ROCK2: variants seen among roughly 807,000 people sequenced by gnomAD.
ROCK2 encodes rho-associated protein kinase 2.
ROCK2 carries 61 observed loss-of-function variants against 195.1 expected under a neutral mutation model. The observed-to-expected ratio is 0.31, with a 90% confidence interval of 0.25 to 0.39. The LOEUF (loss-of-function observed/expected upper bound fraction) is 0.39. ROCK2 is among the 10% of genes least tolerant of loss of function. The pLI, the probability that ROCK2 is intolerant of heterozygous loss-of-function variation, is 1.00. For missense variants in ROCK2, 1,109 were observed against 1,637.4 expected (o/e 0.68, Z 5.57); for synonymous variants, 504 against 545.5 (o/e 0.92, Z 1.06).
chr2:11,214,578 GT>G, intron 16 of ROCK2, 115 bp from the exon 17 acceptor site: 1 of 694,478 alleles, frequency 1.4e-6, no homozygotes, highest in Non-Finnish European at 2.4e-6. Context: ...GTGAGCAGAA[GT>G]TTTATACTTG....
In ROCK2 at chr2:11,344,312, G is replaced by A. The variant is rs1362286583; in HGVS notation, c.-176C>T. On this transcript the variant is annotated 5_prime_UTR_variant, in exon 1 of 33. Transcript: ENST00000315872. This position sits in a 1 kb window ranked among gnomAD's most constrained non-coding sequence, Gnocchi z 5.4. Reference sequence around the variant, plus strand: ...CCCCCGCCTGGGGGCTGCTCCCAGGGGCCCGCCCGGCCCAGCCCGGCCCAG... The same window carrying A: ...CCCCCGCCTGGGGGCTGCTCCCAGGAGCCCGCCCGGCCCAGCCCGGCCCAG... 13 of 1,215,484 alleles carry A rather than the reference G, an allele frequency of 1.1e-5. No individual in the cohort carries two copies. The Admixed American group carries it at 1.9e-4, about 18-fold the overall frequency. 75.3% of individuals were successfully genotyped at this position (1,215,484 alleles called of 1,614,324 possible).
At chr2:11,284,031 G>A (rs1012826564) in intron 3 of ROCK2, among the ~76,000 whole-genome samples, 1 of 152,212 alleles carries the variant, frequency 6.6e-6, no homozygotes, top group African/African-American at 2.4e-5. Context: ...TAGGTGAATG[G>A]ATAAACTTTG....
chr2:11,273,157 TA>T (rs1666705790), intron 3 of ROCK2, among the ~76,000 whole-genome samples: 9 of 41,146 alleles, frequency 2.2e-4, no homozygotes, highest in Non-Finnish European at 3.2e-4. Flanking sequence ...ATAACAGAAA[TA>T]AATTCTTCTT....
chr2:11,217,074 T>G lies in ROCK2; in HGVS notation c.1412+16A>C. The G allele has an allele frequency of 1.5e-6, 2 of 1,322,342 alleles. No homozygotes were observed. The highest frequency in any genetic ancestry group is 2.2e-6 in the Non-Finnish European group (2 of 927,980). The allele number at this position is 1,322,342 out of a possible 1,614,324, so 81.9% of individuals were successfully genotyped here. A position where few individuals can be genotyped will look rare whatever the true frequency, so the allele number is the denominator to read the frequency against. ...TAAATTTTATAATGTAATATTTAATTATCTACAAAACATACTTGCACTTCT... is the reference window on the plus strand; with the variant it reads ...TAAATTTTATAATGTAATATTTAATGATCTACAAAACATACTTGCACTTCT... On this transcript the variant is annotated intron_variant, in intron 12 of 32. Transcript: ENST00000315872.
At chr2:11,194,395 T>A (rs1317233392) in intron 28 of ROCK2, 51 bp from the exon 29 acceptor site, 1 of 667,246 alleles carries the variant, frequency 1.5e-6, no homozygotes. Flanking sequence ...TTATATACCT[T>A]ATTTATTGAT....
intron 18 of ROCK2, among the ~76,000 whole-genome samples, chr2:11,208,840 G>A (rs1024766130): frequency 1.3e-5 from 2 of 152,032 alleles, no homozygotes; most frequent in South Asian, 4.1e-4. Context: ...CAATCCACCC[G>A]CCTCGGCCAC....
intron 29 of ROCK2, 137 bp from the exon 30 acceptor site, chr2:11,193,994 A>G (rs758101071): frequency 2.2e-6 from 1 of 449,772 alleles, no homozygotes; most frequent in Non-Finnish European, 3.8e-6. Context: ...TTGTTCTATT[A>G]ATTCTATAAT....
intron 1 of ROCK2, among the ~76,000 whole-genome samples, chr2:11,303,644 A>G (rs1364033703): frequency 1.3e-5 from 2 of 152,044 alleles, no homozygotes; most frequent in African/African-American, 4.8e-5. Flanking sequence ...TACCTCCCAT[A>G]CAGCTGCCAT....
chr2:11,283,071 A>G (rs1312054213), intron 3 of ROCK2, among the ~76,000 whole-genome samples: 1 of 150,266 alleles, frequency 6.7e-6, no homozygotes, highest in East Asian at 2.0e-4. Context: ...GTTTGAGACC[A>G]GCCTGGCCAA....
At chr2:11,249,947 A>G (rs1324433732) in intron 3 of ROCK2, 149 bp from the exon 4 acceptor site, 2 of 502,918 alleles carry the variant, frequency 4.0e-6, no homozygotes, top group Non-Finnish European at 6.7e-6. Context: ...TTTTTAATGA[A>G]AGAAACAAAG....
At chr2:11,185,426 T>C (rs1167651697) in intron 32 of ROCK2, among the ~76,000 whole-genome samples, 1 of 152,286 alleles carries the variant, frequency 6.6e-6, no homozygotes, top group Non-Finnish European at 1.5e-5. Context: ...CTATCATCTT[T>C]GTTTTTAAAA....
chr2:11,203,057 T>A (rs1009159776), intron 20 of ROCK2, among the ~76,000 whole-genome samples: 4 of 152,120 alleles, frequency 2.6e-5, no homozygotes, highest in Non-Finnish European at 4.4e-5. Context: ...TTTGTAAAAA[T>A]TCACTCAGCT....
intron 1 of ROCK2, among the ~76,000 whole-genome samples, chr2:11,330,132 A>G (rs1668672771): frequency 6.6e-6 from 1 of 152,152 alleles, no homozygotes; most frequent in African/African-American, 2.4e-5. Context: ...CATCCATAAC[A>G]CTCTTCTAAA....
chr2:11,196,110 C>T (rs1194865715), intron 27 of ROCK2, among the ~76,000 whole-genome samples: 1 of 152,266 alleles, frequency 6.6e-6, no homozygotes, highest in Middle Eastern at 3.4e-3. Flanking sequence ...AAAAACCGCA[C>T]AGAACAGGAA....
chr2:11,186,106 A>G (rs1387431512), intron 32 of ROCK2, among the ~76,000 whole-genome samples: 2 of 152,268 alleles, frequency 1.3e-5, no homozygotes, highest in Non-Finnish European at 2.9e-5. Context: ...AAATAAACAC[A>G]GCGACTCAAA....
intron 3 of ROCK2, among the ~76,000 whole-genome samples, chr2:11,271,047 A>C (rs1402893239): frequency 6.6e-6 from 1 of 152,228 alleles, no homozygotes; most frequent in South Asian, 2.1e-4. Flanking sequence ...ATTAGGTCTC[A>C]GCGAATCCTT....
chr2:11,246,090 A>G (rs1363816308), intron 4 of ROCK2, among the ~76,000 whole-genome samples: 1 of 152,156 alleles, frequency 6.6e-6, no homozygotes, highest in Non-Finnish European at 1.5e-5. Flanking sequence ...CAAGACACTG[A>G]GCACAAATAG....
intron 9 of ROCK2, 33 bp from the exon 10 acceptor site, chr2:11,219,059 C>A: frequency 3.3e-6 from 4 of 1,230,302 alleles, no homozygotes; most frequent in South Asian, 3.1e-5. Context: ...TAAATTTTTT[C>A]ATTTCATTTT....
In ROCK2 at chr2:11,182,831, A is replaced by T. The variant is rs72785468; in HGVS notation, c.*606T>A. On this transcript the variant is annotated 3_prime_UTR_variant, in exon 33 of 33. Coordinates refer to ENST00000315872, the MANE Select transcript of ROCK2 (RefSeq NM_004850.5). The stretch of plus-strand genomic sequence containing the variant: ...AGGTACACAGGAATGAGTGATATAA[A>T]CTCCAACATTATGGCTTTATACAAG... 6,538 of 152,646 alleles carry T rather than the reference A, an allele frequency of 0.043. 285 individuals carry two copies. Among genetic ancestry groups the T allele is most frequent in the Non-Finnish European group, 0.06 (4,084 of 68,008 alleles). 9.5% of individuals were successfully genotyped at this position (152,646 alleles called of 1,614,324 possible). A position where few individuals can be genotyped will look rare whatever the true frequency, so the allele number is the denominator to read the frequency against.
Sources: gnomAD v4.1 joint callset for allele counts (sites outside exome capture counted in the v4.1 genomes callset) on GRCh38, gnomAD v4.1.1 for gene constraint, Gnocchi (gnomAD v3.1) non-coding constraint, MANE v1.5 for transcripts, NCBI Gene and HGNC (gene_info 2026-07-23, HGNC 2026-07-21) for gene names.